The following PCDHGB3 variants were observed in gnomAD, a reference collection of about 807,000 sequenced individuals.
PCDHGB3 encodes protocadherin gamma-B3.
In PCDHGB3, 40 loss-of-function variants were observed where a neutral mutation model predicts 59.2. The ratio of observed to expected loss-of-function variants is 0.68; its 90% CI spans 0.52 to 0.88. The LOEUF (loss-of-function observed/expected upper bound fraction) is 0.88, where lower values mean the gene tolerates loss of function less well. Among genes scored for constraint, PCDHGB3 ranks in the 40% least tolerant of loss-of-function variants. The probability of loss-of-function intolerance (pLI) is 0.00; values close to 1 mark genes in which losing one functional copy is unlikely to be tolerated. For missense variants in PCDHGB3, 1,309 were observed against 1,187.9 expected (o/e 1.10, Z -1.50); for synonymous variants, 581 against 503.6 (o/e 1.15, Z -2.06).
chr5:141,400,565 A>C (rs766459739), intron 1 of PCDHGB3: 1 of 1,612,948 alleles, frequency 6.2e-7, no homozygotes, highest in South Asian at 1.1e-5. Flanking sequence ...TTACCCACCC[A>C]ATTTTCTGTA....
In PCDHGB3 at chr5:141,372,808, A is replaced by G; in HGVS notation, c.2414A>G (p.Lys805Arg). 6.3e-7 allele frequency: 1 copy of G among 1,589,102 alleles called. No homozygotes were observed. Among genetic ancestry groups the G allele is most frequent in the South Asian group, 1.1e-5 (1 of 87,452 alleles). ...EMPSNSGNLQKQAPPNTDWRF... is the reference protein window; with the variant it reads ...EMPSNSGNLQRQAPPNTDWRF... ...CCTTCTAATTCAGGCAATTTGCAAA[A>G]GGTGAGTTTCTTCAAACCTTTCCTT... Residue 805 changes from lysine to arginine, a missense_variant and splice_region_variant, in exon 1 of 4, where the codon AAG becomes AGG. Lys to Arg is a conservative substitution (Grantham distance 26). Transcript: ENST00000576222.
At chr5:141,393,970 C>T (rs746781669) in intron 1 of PCDHGB3, 5 of 1,613,870 alleles carry the variant, frequency 3.1e-6, no homozygotes, top group Middle Eastern at 3.3e-4. Flanking sequence ...GTCTGTTACA[C>T]ACGTGATAAT....
rs141034739 is a variant in PCDHGB3 at position 141,491,100 on chromosome 5, C to T, written c.2416-3707C>T. The T allele has an allele frequency of 2.7e-4, 430 of 1,614,138 alleles. No homozygotes were observed. The African/African-American group carries it at 4.7e-3, about 18-fold the overall frequency. ...AGTCCACAGCCCCAGGACTGTTCCT[C>T]GTGTCTACACACACTGGTGAGGTGC... On this transcript the variant is annotated intron_variant, in intron 1 of 3. Transcript: ENST00000576222. The surrounding 1 kb of genome is among the most constrained non-coding windows in gnomAD (Gnocchi z 6.9).
chr5:141,477,678 C>A lies in PCDHGB3; in HGVS notation c.2416-17129C>A, dbSNP rs967769574. 1 of 1,614,182 alleles carries A rather than the reference C, an allele frequency of 6.2e-7. No individual in the cohort carries two copies. The highest frequency in any genetic ancestry group is 1.3e-5 in the African/African-American group (1 of 75,054). ...AATCGTGACAATGGCATAGTGTCAT[C>A]CTTAGTGCCCCTAGACTATGAGGAT... is the stretch of plus-strand genomic sequence containing the variant. On this transcript the variant is annotated intron_variant, in intron 1 of 3. Transcript: ENST00000576222. The surrounding 1 kb of genome is among the most constrained non-coding windows in gnomAD (Gnocchi z 4.9).
chr5:141,389,322 G>C lies in PCDHGB3; in HGVS notation c.2415+16513G>C, dbSNP rs752301649. ...AGTCAGGGCTTCTGATCCGGACTTG[G>C]GGCCCAACGGCCAAGTCTCTTACTG... On this transcript the variant is annotated intron_variant, in intron 1 of 3. Transcript: ENST00000576222. 2 of 1,613,984 alleles carry C rather than the reference G, an allele frequency of 1.2e-6. No homozygotes were observed. Among genetic ancestry groups the C allele is most frequent in the East Asian group, 2.2e-5 (1 of 44,880 alleles).
At chr5:141,414,421 A>G (rs1250470349) in intron 1 of PCDHGB3, 1 of 1,613,776 alleles carries the variant, frequency 6.2e-7, no homozygotes, top group African/African-American at 1.3e-5. Flanking sequence ...AGCCCTTGAC[A>G]GGGAACAGGT....
intron 1 of PCDHGB3, chr5:141,415,853 GTAGT>G: frequency 2.5e-6 from 3 of 1,186,350 alleles, no homozygotes; most frequent in Non-Finnish European, 3.3e-6. Context: ...GCAGAACCTT[GTAGT>G]TTATAGTGTT....
chr5:141,459,105 T>C (rs904382532), intron 1 of PCDHGB3, among the ~76,000 whole-genome samples: 7 of 152,208 alleles, frequency 4.6e-5, no homozygotes, highest in Non-Finnish European at 7.4e-5. Flanking sequence ...GCAATGCATT[T>C]TGACAATTGT....
At chr5:141,500,086 A>G (rs1456179271) in intron 2 of PCDHGB3, among the ~76,000 whole-genome samples, 1 of 151,682 alleles carries the variant, frequency 6.6e-6, no homozygotes, top group Non-Finnish European at 1.5e-5. Flanking sequence ...TCCATCTTCC[A>G]TTTTTGCAAT....
chr5:141,384,594 G>A (rs769496358), intron 1 of PCDHGB3: 6 of 1,614,162 alleles, frequency 3.7e-6, no homozygotes, highest in East Asian at 2.2e-5. Context: ...TCCTGTACCC[G>A]GCCCTCCCCA....
chr5:141,421,916 G>T (rs754653877), intron 1 of PCDHGB3: 1 of 1,613,528 alleles, frequency 6.2e-7, no homozygotes. Flanking sequence ...GTTCCCATTC[G>T]TGTGGTGGTC....
rs1486691481 is a variant in PCDHGB3, at chr5:141,371,761, CCTA to C, written c.1369_1371del (p.Tyr457del). The C allele has an allele frequency of 2.5e-6, 4 of 1,614,030 alleles. No individual in the cohort carries two copies. The highest frequency in any genetic ancestry group is 3.4e-6 in the Non-Finnish European group (4 of 1,179,900). On this transcript the variant is annotated inframe_deletion, in exon 1 of 4. Transcript: ENST00000576222. Reference sequence around the variant, plus strand: ...AACGTTCCCGTTTTCCACCAGGCCTCCTACACCGTGCATGTAGCTGAGAACAAT... The same window carrying C: ...AACGTTCCCGTTTTCCACCAGGCCTCCACCGTGCATGTAGCTGAGAACAAT...
chr5:141,408,510 A>G (rs1298660421), intron 1 of PCDHGB3: 21 of 1,613,870 alleles, frequency 1.3e-5, no homozygotes, highest in Non-Finnish European at 1.8e-5. Context: ...AGAAGATGTG[A>G]GTTGCAATTG....
At chr5:141,445,471 T>A (rs533909401) in intron 1 of PCDHGB3, among the ~76,000 whole-genome samples, 17 of 152,204 alleles carry the variant, frequency 1.1e-4, no homozygotes, top group Non-Finnish European at 2.4e-4. Context: ...AAGGCATATA[T>A]GATTCCTGAG....
At chr5:141,413,383 A>G in intron 1 of PCDHGB3, 1 of 1,613,998 alleles carries the variant, frequency 6.2e-7, no homozygotes, top group Non-Finnish European at 8.5e-7. Context: ...CGGAGTCCGC[A>G]TAGTCTCCAG....
chr5:141,492,091 C>G (rs930375969), intron 1 of PCDHGB3, among the ~76,000 whole-genome samples: 5 of 152,242 alleles, frequency 3.3e-5, no homozygotes, highest in Non-Finnish European at 5.9e-5. Flanking sequence ...CACGCTTCGC[C>G]GGTCTGTAGA....
At chr5:141,494,326 G>C (rs2154591458) in intron 1 of PCDHGB3, among the ~76,000 whole-genome samples, 1 of 152,312 alleles carries the variant, frequency 6.6e-6, no homozygotes, top group Middle Eastern at 3.4e-3. Context: ...GGCACCAAAA[G>C]GGTTACCAAG....
chr5:141,381,925 G>A (rs1777765051), intron 1 of PCDHGB3, among the ~76,000 whole-genome samples: 1 of 145,664 alleles, frequency 6.9e-6, no homozygotes, highest in Non-Finnish European at 1.5e-5. Flanking sequence ...CACCTCCCGG[G>A]TTCAAGCGAT....
At chr5:141,509,136 C>T (rs1217992935) in intron 3 of PCDHGB3, among the ~76,000 whole-genome samples, 1 of 152,142 alleles carries the variant, frequency 6.6e-6, no homozygotes, top group Non-Finnish European at 1.5e-5. Context: ...AAAACCGAGG[C>T]GCATCCCGGC....
Sources: gnomAD v4.1 joint callset for allele counts (sites outside exome capture counted in the v4.1 genomes callset) on GRCh38, gnomAD v4.1.1 for gene constraint, Gnocchi (gnomAD v3.1) non-coding constraint, MANE v1.5 for transcripts, NCBI Gene and HGNC (gene_info 2026-07-23, HGNC 2026-07-21) for gene names.